Variants in TNIK observed in about 807,000 individuals in gnomAD.
TNIK encodes TRAF2 and NCK interacting kinase, also known as TRAF2 and NCK-interacting protein kinase.
Under a neutral mutation model 191.3 loss-of-function variants are expected in TNIK, and 49 were observed. The observed-to-expected ratio is 0.26, with a 90% CI of 0.20 to 0.32. The LOEUF (loss-of-function observed/expected upper bound fraction) is 0.32. TNIK is among the 10% of genes least tolerant of loss of function. The probability of loss-of-function intolerance (pLI) is 1.00; values close to 1 mark genes in which losing one functional copy is unlikely to be tolerated. For synonymous variants in TNIK, 594 were observed against 600.9 expected (o/e 0.99, Z 0.17); for missense variants, 1,155 against 1,702.3 (o/e 0.68, Z 5.66).
chr3:171,126,262 G>T (rs1442218892), intron 16 of TNIK, 111 bp from the exon 17 acceptor site: 4 of 1,337,456 alleles, frequency 3.0e-6, no homozygotes, highest in Non-Finnish European at 3.9e-6. Context: ...ACAAAAATTG[G>T]ACTATAGAGA....
chr3:171,164,960 T>C (rs932216956), intron 10 of TNIK, among the ~76,000 whole-genome samples: 2 of 152,220 alleles, frequency 1.3e-5, no homozygotes, highest in Non-Finnish European at 2.9e-5. Flanking sequence ...AAGCTGATCA[T>C]ACATTCCTTC....
chr3:171,062,444 C>T lies in TNIK; in HGVS notation c.*1437G>A, dbSNP rs1196243695. On this transcript the variant is annotated 3_prime_UTR_variant, in exon 33 of 33. Coordinates refer to ENST00000436636, the MANE Select transcript of TNIK (RefSeq NM_015028.4). ...CGCAACACAGATATTGTTTGCAACA[C>T]CTCGATACCACAGGCGGCCATGCTT... 6.6e-6 allele frequency: 1 copy of T among 152,074 alleles called. No homozygotes were observed. The highest frequency in any genetic ancestry group is 1.9e-4 in the East Asian group (1 of 5,182). The allele number at this position is 152,074 out of a possible 1,614,324, so 9.4% of individuals were successfully genotyped here. A position where few individuals can be genotyped will look rare whatever the true frequency, so the allele number is the denominator to read the frequency against.
intron 18 of TNIK, among the ~76,000 whole-genome samples, chr3:171,112,066 A>T (rs180995611): frequency 6.6e-6 from 1 of 152,330 alleles, no homozygotes; most frequent in East Asian, 1.9e-4. Flanking sequence ...CTTAAATGTC[A>T]TCAGAAAAAA....
intron 1 of TNIK, among the ~76,000 whole-genome samples, chr3:171,422,876 A>C (rs1421252389): frequency 6.6e-6 from 1 of 152,242 alleles, no homozygotes. Flanking sequence ...CTTCATCTGC[A>C]CAAATGAAAA....
At chr3:171,104,615 AAAG>A (rs1368542667) in intron 21 of TNIK, among the ~76,000 whole-genome samples, 8 of 152,080 alleles carry the variant, frequency 5.3e-5, no homozygotes, top group Admixed American at 5.2e-4. Context: ...TCTTGACTAA[AAAG>A]GCGCTCTTTT....
At chr3:171,310,135 G>A (rs1044848148) in intron 2 of TNIK, among the ~76,000 whole-genome samples, 3 of 151,848 alleles carry the variant, frequency 2.0e-5, no homozygotes, top group Non-Finnish European at 4.4e-5. Flanking sequence ...AAATTGAAAT[G>A]ATCCATGATA....
intron 1 of TNIK, among the ~76,000 whole-genome samples, chr3:171,370,015 AAG>A (rs1716278433): frequency 6.6e-6 from 1 of 152,246 alleles, no homozygotes; most frequent in African/African-American, 2.4e-5. Flanking sequence ...GAGCTACAGC[AAG>A]ATAAAGTGAA....
At chr3:171,357,546 C>A (rs1714280151) in intron 2 of TNIK, among the ~76,000 whole-genome samples, 1 of 134,470 alleles carries the variant, frequency 7.4e-6, no homozygotes. Context: ...GCCTCAGCCT[C>A]TGTACTTTTT....
intron 2 of TNIK, among the ~76,000 whole-genome samples, chr3:171,293,897 C>T (rs1751968145): frequency 6.6e-6 from 1 of 152,078 alleles, no homozygotes; most frequent in South Asian, 2.1e-4. Context: ...CTGAGCAACA[C>T]AGCAAGAGCT....
At chr3:171,389,045 C>G (rs772959424) in intron 1 of TNIK, among the ~76,000 whole-genome samples, 6 of 152,150 alleles carry the variant, frequency 3.9e-5, no homozygotes, top group Non-Finnish European at 8.8e-5. Context: ...GTAATCCTGA[C>G]ATGAACTCTC....
At chr3:171,382,285 A>G (rs1213824812) in intron 1 of TNIK, among the ~76,000 whole-genome samples, 5 of 136,050 alleles carry the variant, frequency 3.7e-5, no homozygotes, top group Non-Finnish European at 7.6e-5. Flanking sequence ...CAGTGGCATG[A>G]TCTCAGCTCA....
Position 171,220,403 on chromosome 3 carries a change from G to T in TNIK, c.180+7762C>A, listed in dbSNP as rs908335140. On this transcript the variant is annotated intron_variant, in intron 3 of 32. Transcript: ENST00000436636. ...ACTTAAAGTATAATGAAAAATAAAT[G>T]AATAAAAATAAAAGCTGAACTTCCC... Among the ~76,000 whole-genome samples, 5 of 152,108 alleles carry T rather than the reference G, an allele frequency of 3.3e-5. No homozygotes were observed. The South Asian group carries it at 1.0e-3, about 32-fold the overall frequency.
In TNIK at chr3:171,246,286, T is replaced by TTA. The variant is rs1553868134; in HGVS notation, c.124-18066_124-18065insTA. ...ACTGACACTTGGGTAGAGAACCAGA[T>TTA]AAAAAAAAAAAAATGCCTTTCTATT... On this transcript the variant is annotated intron_variant, in intron 2 of 32. Coordinates refer to ENST00000436636, the MANE Select transcript of TNIK (RefSeq NM_015028.4). Among the ~76,000 whole-genome samples, 270 of 112,990 alleles carry TTA rather than the reference T, an allele frequency of 2.4e-3. 3 individuals carry two copies. Among genetic ancestry groups the TTA allele is most frequent in the Non-Finnish European group, 4.0e-3 (209 of 51,818 alleles). 74.1% of individuals were successfully genotyped at this position (112,990 alleles called of 152,430 possible). A position where few individuals can be genotyped will look rare whatever the true frequency, so the allele number is the denominator to read the frequency against.
At chr3:171,226,533 CCT>C (rs1445281363) in intron 3 of TNIK, among the ~76,000 whole-genome samples, 1 of 152,124 alleles carries the variant, frequency 6.6e-6, no homozygotes, top group Non-Finnish European at 1.5e-5. Context: ...TATGCTTAAT[CCT>C]CTGTTATTTA....
intron 2 of TNIK, among the ~76,000 whole-genome samples, chr3:171,246,871 C>T (rs1428519445): frequency 6.6e-6 from 1 of 152,194 alleles, no homozygotes. Context: ...GCAACCAACT[C>T]AGACTGGGCT....
intron 12 of TNIK, among the ~76,000 whole-genome samples, chr3:171,155,576 G>T (rs755052571): frequency 4.8e-4 from 73 of 152,346 alleles, no homozygotes; most frequent in Non-Finnish European, 9.4e-4. Flanking sequence ...TGTGTCTCTG[G>T]CTGCACATGC....
At chr3:171,143,752 T>C (rs753586027) in intron 12 of TNIK, among the ~76,000 whole-genome samples, 3 of 152,232 alleles carry the variant, frequency 2.0e-5, no homozygotes, top group Non-Finnish European at 2.9e-5. Context: ...ATTTGTTGTG[T>C]TGAATACTGC....
At chr3:171,238,200 G>T (rs1266017678) in intron 2 of TNIK, among the ~76,000 whole-genome samples, 3 of 151,828 alleles carry the variant, frequency 2.0e-5, no homozygotes, top group Non-Finnish European at 4.4e-5. Flanking sequence ...ATAAATGCAG[G>T]ATGGCTCTTA....
At chr3:171,340,906 GA>G (rs75415054) in intron 2 of TNIK, among the ~76,000 whole-genome samples, 205 of 141,206 alleles carry the variant, frequency 1.5e-3, no homozygotes, top group African/African-American at 2.2e-3. Context: ...ATTTGGGAGG[GA>G]AAAAAAAAAA....
Sources: gnomAD v4.1 joint callset for allele counts (sites outside exome capture counted in the v4.1 genomes callset) on GRCh38, gnomAD v4.1.1 for gene constraint, MANE v1.5 for transcripts, NCBI Gene and HGNC (gene_info 2026-07-23, HGNC 2026-07-21) for gene names.